DNAJA3: variants seen among roughly 807,000 people sequenced by gnomAD.
The protein encoded by DNAJA3 is DnaJ heat shock protein family (Hsp40) member A3, also known as dnaJ homolog subfamily A member 3, mitochondrial.
In DNAJA3, 29 loss-of-function variants were observed where a neutral mutation model predicts 54.9. That is an observed-to-expected ratio of 0.53 (90% CI 0.39 to 0.72). The LOEUF is 0.72. Ranked by LOEUF, DNAJA3 falls within the 30% of genes least tolerant of loss-of-function variation. DNAJA3 has a pLI of 0.00. For synonymous variants in DNAJA3, 302 were observed against 251.4 expected, an observed-to-expected ratio of 1.20 and a Z score of -1.90; for missense variants, 708 against 639.4, an observed-to-expected ratio of 1.11 and a Z score of -1.16.
At chr16:4,448,360 C>T (rs372419915) in intron 8 of DNAJA3, among the ~76,000 whole-genome samples, 1 of 149,950 alleles carries the variant, frequency 6.7e-6, no homozygotes, top group Non-Finnish European at 1.5e-5. Context: ...ACCGCTCTGC[C>T]GAGACAGAGT....
intron 3 of DNAJA3, among the ~76,000 whole-genome samples, chr16:4,437,821 G>A (rs1239384156): frequency 1.3e-5 from 2 of 150,914 alleles, no homozygotes; most frequent in African/African-American, 4.9e-5. Context: ...GCGTGGTGGT[G>A]GCGCACCTGT....
At chr16:4,443,286 G>A in intron 6 of DNAJA3, 122 bp downstream of exon 6, 3 of 1,283,042 alleles carry the variant, frequency 2.3e-6, no homozygotes, top group Non-Finnish European at 2.1e-6. Context: ...GTGGGCTCTT[G>A]GTAGAAGTTA....
chr16:4,443,205 G>A, intron 6 of DNAJA3, 41 bp downstream of exon 6: 1 of 1,610,212 alleles, frequency 6.2e-7, no homozygotes, highest in African/African-American at 1.3e-5. Flanking sequence ...CTTGGAGAGG[G>A]CAGACAGGGT....
At chr16:4,427,404 A>G (rs997807452) in intron 1 of DNAJA3, 1 of 152,234 alleles carries the variant, frequency 6.6e-6, no homozygotes, top group African/African-American at 2.4e-5. Context: ...TCCAGTTTGT[A>G]ATAGTTACAT....
At chr16:4,434,792 T>A (rs2141374072) in intron 2 of DNAJA3, among the ~76,000 whole-genome samples, 1 of 152,266 alleles carries the variant, frequency 6.6e-6, no homozygotes, top group South Asian at 2.1e-4. Flanking sequence ...AATCTGTATT[T>A]TCTGAATCAG....
At chr16:4,426,868 C>T (rs570891514) in intron 1 of DNAJA3, 45 of 152,246 alleles carry the variant, frequency 3.0e-4, no homozygotes, top group African/African-American at 1.0e-3. Flanking sequence ...TGAGATGACA[C>T]TGAATTATAC....
Position 4,441,574 on chromosome 16 carries a change from A to T in DNAJA3, c.629A>T (p.Glu210Val). The T allele has an allele frequency of 6.2e-7, 1 of 1,613,372 alleles. No homozygotes were observed. Among genetic ancestry groups the T allele is most frequent in the Non-Finnish European group, 8.5e-7 (1 of 1,179,808 alleles). The change falls in exon 4 of 12, where the codon GAA (glutamate) becomes GTA (valine). Residue 210 changes from glutamate to valine, a missense_variant and splice_region_variant. Coordinates refer to ENST00000262375, the MANE Select transcript of DNAJA3 (RefSeq NM_005147.6). ...CAGACCGTGTTTGATCAGCCTCAGG[A>T]AGTAAGTTCCTCACTTGGAAGAATT... The part of the protein sequence containing the change: ...DFQTVFDQPQ[E>V]YFMELTFNQA...
chr16:4,446,830 G>A, intron 7 of DNAJA3, 56 bp from the exon 8 acceptor site: 2 of 1,600,340 alleles, frequency 1.2e-6, no homozygotes, highest in Non-Finnish European at 1.7e-6. Flanking sequence ...GCATGCAGCT[G>A]GTGTTTAGTC....
At chr16:4,445,577 G>A (rs946500590) in intron 7 of DNAJA3, among the ~76,000 whole-genome samples, 2 of 152,184 alleles carry the variant, frequency 1.3e-5, no homozygotes, top group Admixed American at 1.3e-4. Context: ...TTGAGGTGGG[G>A]TATTGCTTTG....
At position 4,454,918 on chromosome 16, in the gene DNAJA3, C is replaced by G; in HGVS notation, c.*4C>G. ...TAAGAAAATGTTTACCTCATGATAT[C>G]CCAGCCGAGGTAGGAAAACCCTGGA... On this transcript the variant is annotated 3_prime_UTR_variant, in exon 11 of 12. Transcript: ENST00000262375. 6.2e-7 allele frequency: 1 copy of G among 1,608,422 alleles called. No individual in the cohort carries two copies. Among genetic ancestry groups the G allele is most frequent in the Middle Eastern group, 1.7e-4 (1 of 6,046 alleles).
At chr16:4,439,550 T>C (rs1011970544) in intron 3 of DNAJA3, among the ~76,000 whole-genome samples, 2 of 151,156 alleles carry the variant, frequency 1.3e-5, no homozygotes, top group South Asian at 2.1e-4. Flanking sequence ...GGCGGGGGGG[T>C]GTTATTCTTG....
At chr16:4,426,380 C>T (rs183614123) in intron 1 of DNAJA3, among the ~76,000 whole-genome samples, 11 of 152,340 alleles carry the variant, frequency 7.2e-5, no homozygotes, top group African/African-American at 2.2e-4. Flanking sequence ...CTCCCTCGTC[C>T]TCTTCCTTTC....
intron 10 of DNAJA3, among the ~76,000 whole-genome samples, chr16:4,452,706 C>A (rs1043677728): frequency 6.6e-6 from 1 of 152,066 alleles, no homozygotes. Context: ...CCCAGGAGTT[C>A]GAGACCAGCC....
chr16:4,448,436 C>T (rs1004709571), intron 8 of DNAJA3, among the ~76,000 whole-genome samples: 13 of 152,188 alleles, frequency 8.5e-5, no homozygotes, highest in South Asian at 2.1e-4. Flanking sequence ...CTCCGCCTCC[C>T]GGGTTCAAGC....
intron 10 of DNAJA3, among the ~76,000 whole-genome samples, chr16:4,451,004 G>A (rs2056971595): frequency 6.6e-6 from 1 of 152,224 alleles, no homozygotes; most frequent in Non-Finnish European, 1.5e-5. Context: ...CTCCCTCCAA[G>A]TTATCTAGCC....
At chr16:4,451,637 A>G (rs2056978567) in intron 10 of DNAJA3, among the ~76,000 whole-genome samples, 1 of 151,038 alleles carries the variant, frequency 6.6e-6, no homozygotes, top group African/African-American at 2.4e-5. Context: ...CATGCCTGTA[A>G]TCTCAGCTAC....
intron 7 of DNAJA3, 42 bp downstream of exon 7, chr16:4,444,770 C>T (rs762980176): frequency 6.4e-7 from 1 of 1,569,990 alleles, no homozygotes; most frequent in East Asian, 2.2e-5. Context: ...GGCCTTTCCT[C>T]TCTTCGGGTG....
At chr16:4,441,659 G>A (rs1173096580) in intron 4 of DNAJA3, 84 bp downstream of exon 4, 2 of 1,412,220 alleles carry the variant, frequency 1.4e-6, no homozygotes, top group East Asian at 4.7e-5. Flanking sequence ...CTGTTTCTCA[G>A]AAAGGCAAGG....
chr16:4,430,839 T>G (rs2056689891), intron 1 of DNAJA3: 1 of 151,592 alleles, frequency 6.6e-6, no homozygotes, highest in East Asian at 1.9e-4. Context: ...AGGTCAGGAG[T>G]TCGAGACCAG....
Sources: gnomAD v4.1 joint callset for allele counts (sites outside exome capture counted in the v4.1 genomes callset) on GRCh38, gnomAD v4.1.1 for gene constraint, MANE v1.5 for transcripts, NCBI Gene and HGNC (gene_info 2026-07-23, HGNC 2026-07-21) for gene names.